PPARD: variants seen among roughly 807,000 people sequenced by gnomAD.
The protein encoded by PPARD is peroxisome proliferator activated receptor delta, also known as peroxisome proliferator-activated receptor delta.
A neutral mutation model predicts 39.5 loss-of-function variants in PPARD; 6 were observed. That is an observed-to-expected ratio of 0.15 (90% CI 0.08 to 0.30). The LOEUF is 0.30. PPARD is among the 10% of genes least tolerant of loss of function. The probability of loss-of-function intolerance (pLI) is 1.00; values close to 1 mark genes in which losing one functional copy is unlikely to be tolerated. For missense variants in PPARD, 397 were observed against 596.8 expected (o/e 0.67, Z 3.49); for synonymous variants, 210 against 231.3 (o/e 0.91, Z 0.83).
At chr6:35,400,779 G>A (rs186443903) in intron 2 of PPARD, among the ~76,000 whole-genome samples, 116 of 151,884 alleles carry the variant, frequency 7.6e-4, no homozygotes, top group Non-Finnish European at 1.1e-3. Context: ...TAGCCTGGGT[G>A]ACAGGGAGAT....
rs1045614386 is a variant in PPARD at position 35,424,630 on chromosome 6, G to T, written c.929G>T (p.Gly310Val). 11 of 1,614,130 alleles carry T rather than the reference G, an allele frequency of 6.8e-6. No homozygotes were observed. The highest frequency in any genetic ancestry group is 9.3e-6 in the Non-Finnish European group (11 of 1,180,048). Residue 310 changes from glycine (G) to valine (V), a missense_variant, in exon 7 of 8, where the codon GGC becomes GTC. Coordinates refer to ENST00000360694, the MANE Select transcript of PPARD (RefSeq NM_006238.5). This position sits in a 1 kb window ranked among gnomAD's most constrained non-coding sequence, Gnocchi z 7.1. ...KDGLLVANGS[G>V]FVTREFLRSL... is the part of the protein sequence containing the mutation. ...GGGCTGCTGGTAGCCAACGGCAGTG[G>T]CTTTGTCACCCGTGAGTTCCTGCGC...
chr6:35,379,410 G>T (rs1238491615), intron 2 of PPARD, among the ~76,000 whole-genome samples: 1 of 152,144 alleles, frequency 6.6e-6, no homozygotes, highest in Non-Finnish European at 1.5e-5. Flanking sequence ...CTTGCAGTAG[G>T]CATCTTTGCC....
chr6:35,420,218 C>T lies in PPARD; in HGVS notation c.222C>T (p.Cys74=), dbSNP rs1196193976. The T allele has an allele frequency of 1.3e-5, 21 of 1,610,446 alleles. No individual in the cohort carries two copies. Among genetic ancestry groups the T allele is most frequent in the Middle Eastern group, 3.3e-4 (2 of 6,040 alleles). Residue 74 remains cysteine (C), a synonymous_variant, in exon 4 of 8, where the codon TGC becomes TGT. Transcript: ENST00000360694. ...CATGCGGCAGCCTCAACATGGAGTGCCGGGTGTGCGGGGACAAGGCATCGG... is the reference window on the plus strand; with the variant it reads ...CATGCGGCAGCCTCAACATGGAGTGTCGGGTGTGCGGGGACAAGGCATCGG... ...GASCGSLNME[C]RVCGDKASGF... is the part of the protein sequence containing the mutation.
chr6:35,349,898 C>T (rs925321750), intron 2 of PPARD, among the ~76,000 whole-genome samples: 11 of 152,022 alleles, frequency 7.2e-5, no homozygotes, highest in East Asian at 1.9e-4. Flanking sequence ...CCCGCCACCA[C>T]GCCCAGCTAA....
chr6:35,367,085 C>T (rs1209650295), intron 2 of PPARD, among the ~76,000 whole-genome samples: 1 of 151,970 alleles, frequency 6.6e-6, no homozygotes, highest in Non-Finnish European at 1.5e-5. Context: ...TTGTCCGTTC[C>T]CTGGATGCTA....
At position 35,412,491 on chromosome 6, in the gene PPARD, G is replaced by A. The variant is rs1465048245; in HGVS notation, c.130+1274G>A. The stretch of plus-strand genomic sequence containing the variant: ...CCTGTGACTGCATGGAGCAGGAGGA[G>A]GCAGTTAGTGTCCAAGCTAAGGCAG... On this transcript the variant is annotated intron_variant, in intron 3 of 7. Coordinates refer to ENST00000360694, the MANE Select transcript of PPARD (RefSeq NM_006238.5). This position sits in a 1 kb window ranked among gnomAD's most constrained non-coding sequence, Gnocchi z 4.1. Among the ~76,000 whole-genome samples, 2 of 152,232 alleles carry A rather than the reference G, an allele frequency of 1.3e-5. No homozygotes were observed. The highest frequency in any genetic ancestry group is 2.9e-5 in the Non-Finnish European group (2 of 68,036).
At chr6:35,358,731 TTCAGACCA>T (rs1761759265) in intron 2 of PPARD, among the ~76,000 whole-genome samples, 2 of 152,222 alleles carry the variant, frequency 1.3e-5, no homozygotes, top group Admixed American at 1.3e-4. Flanking sequence ...AAAGAGTTCT[TTCAGACCA>T]GTGAGGATGT....
chr6:35,350,612 C>CA (rs1265945733), intron 2 of PPARD, among the ~76,000 whole-genome samples: 2 of 104,592 alleles, frequency 1.9e-5, no homozygotes, highest in African/African-American at 8.4e-5. Flanking sequence ...GTCTATGTGT[C>CA]TTTTTTTTTT....
chr6:35,408,324 A>G (rs975950530), intron 2 of PPARD, among the ~76,000 whole-genome samples: 1 of 152,202 alleles, frequency 6.6e-6, no homozygotes, highest in Non-Finnish European at 1.5e-5. Context: ...AGCTTGGGGA[A>G]ATTGAGTGTT....
Position 35,412,150 on chromosome 6 carries a change from C to T in PPARD, c.130+933C>T, listed in dbSNP as rs1031869988. Among the ~76,000 whole-genome samples the T allele has an allele frequency of 1.3e-5, 2 of 152,170 alleles. No homozygotes were observed. Among genetic ancestry groups the T allele is most frequent in the South Asian group, 2.1e-4 (1 of 4,822 alleles). ...TTCACCATGTTGGCCAGGCTGGTCTCGAACCGCTGGGCTCAAGCAATCCAC... is the reference window on the plus strand; with the variant it reads ...TTCACCATGTTGGCCAGGCTGGTCTTGAACCGCTGGGCTCAAGCAATCCAC... On this transcript the variant is annotated intron_variant, in intron 3 of 7. Transcript: ENST00000360694. The surrounding 1 kb of genome is among the most constrained non-coding windows in gnomAD (Gnocchi z 4.1).
At chr6:35,396,635 C>T (rs1764339181) in intron 2 of PPARD, among the ~76,000 whole-genome samples, 1 of 150,736 alleles carries the variant, frequency 6.6e-6, no homozygotes, top group African/African-American at 2.4e-5. Flanking sequence ...CAGAGACCAT[C>T]CTGGTTAACG....
chr6:35,414,681 G>A (rs1765638845), intron 3 of PPARD, among the ~76,000 whole-genome samples: 1 of 152,180 alleles, frequency 6.6e-6, no homozygotes, highest in South Asian at 2.1e-4. Flanking sequence ...GTGGGGGTAT[G>A]TGACACATCG....
intron 2 of PPARD, among the ~76,000 whole-genome samples, chr6:35,367,830 T>C (rs1417682750): frequency 3.9e-5 from 6 of 152,254 alleles, no homozygotes; most frequent in African/African-American, 1.4e-4. Context: ...AGGCCTGGGC[T>C]CACGTCCCAG....
At chr6:35,405,849 C>T (rs956308915) in intron 2 of PPARD, among the ~76,000 whole-genome samples, 5 of 151,896 alleles carry the variant, frequency 3.3e-5, no homozygotes, top group Admixed American at 2.6e-4. Flanking sequence ...AGGCTGGTCT[C>T]GAACACCTGA....
intron 2 of PPARD, among the ~76,000 whole-genome samples, chr6:35,407,506 A>G (rs952793802): frequency 4.0e-5 from 6 of 151,862 alleles, no homozygotes; most frequent in African/African-American, 1.5e-4. Flanking sequence ...AATCTGGTGG[A>G]GCATAAAGAA....
intron 2 of PPARD, among the ~76,000 whole-genome samples, chr6:35,367,158 C>T (rs1023456954): frequency 6.6e-6 from 1 of 152,050 alleles, no homozygotes; most frequent in Non-Finnish European, 1.5e-5. Context: ...GCAAAGATAA[C>T]ACTGTAACAG....
chr6:35,352,215 A>T (rs1369113460), intron 2 of PPARD, among the ~76,000 whole-genome samples: 2 of 147,860 alleles, frequency 1.4e-5, no homozygotes. Flanking sequence ...ATGAAGTCTC[A>T]CTCTGTCACC....
intron 2 of PPARD, among the ~76,000 whole-genome samples, chr6:35,392,540 G>A (rs1357199712): frequency 6.6e-6 from 1 of 152,120 alleles, no homozygotes; most frequent in South Asian, 2.1e-4. Flanking sequence ...ATGGATGAAG[G>A]AAGGTATTGC....
In PPARD at chr6:35,401,596, A is replaced by G. The variant is rs1195452707; in HGVS notation, c.-101-9391A>G. 2.0e-5 allele frequency among the ~76,000 whole-genome samples: 3 copies of G among 151,926 alleles called. No homozygotes were observed. ...AGGTCCTCATTCCTTGGGCCTTTTC[A>G]CATCACTGTTCCCATCACCCTGGAA... On this transcript the variant is annotated intron_variant, in intron 2 of 7. Coordinates refer to ENST00000360694, the MANE Select transcript of PPARD (RefSeq NM_006238.5). The surrounding 1 kb of genome is among the most constrained non-coding windows in gnomAD (Gnocchi z 4.1).
Sources: allele counts gnomAD v4.1 joint callset (sites outside exome capture counted in the v4.1 genomes callset), GRCh38; gene constraint gnomAD v4.1.1; non-coding constraint Gnocchi (gnomAD v3.1); transcripts MANE v1.5; gene names NCBI Gene and HGNC (gene_info 2026-07-23, HGNC 2026-07-21).